Variants in SPOCK3 observed in about 807,000 individuals in gnomAD.
The protein encoded by SPOCK3 is testican-3.
SPOCK3 carries 30 observed loss-of-function variants against 56.6 expected under a neutral mutation model. The ratio of observed to expected loss-of-function variants is 0.53; its 90% CI spans 0.40 to 0.72. The LOEUF (loss-of-function observed/expected upper bound fraction) is 0.72, where lower values mean the gene tolerates loss of function less well. SPOCK3 is among the 30% of genes least tolerant of loss of function. SPOCK3 has a pLI of 0.00. For missense variants in SPOCK3, 527 were observed against 530.0 expected (o/e 0.99, Z 0.06); for synonymous variants, 196 against 183.3 (o/e 1.07, Z -0.56).
chr4:166,786,735 C>T (rs1252119358), intron 7 of SPOCK3, among the ~76,000 whole-genome samples: 1 of 152,164 alleles, frequency 6.6e-6, no homozygotes, highest in Non-Finnish European at 1.5e-5. Flanking sequence ...TAAGGTTCAA[C>T]TTAATATTTG....
At chr4:167,055,151 C>A (rs1468131424) in intron 3 of SPOCK3, among the ~76,000 whole-genome samples, 2 of 151,434 alleles carry the variant, frequency 1.3e-5, no homozygotes, top group Non-Finnish European at 2.9e-5. Flanking sequence ...ACATGCAAAC[C>A]TCTTATAAAT....
At position 166,884,185 on chromosome 4, in the gene SPOCK3, C is replaced by T. The variant is rs376790127; in HGVS notation, c.589+4945G>A. ...TGGCTAACACAGTGAAACCCCGTCT[C>T]TACTAAAAATACAAAAAATTAACCG... On this transcript the variant is annotated intron_variant, in intron 6 of 10. Transcript: ENST00000357545. Among the ~76,000 whole-genome samples the T allele has an allele frequency of 1.1e-3, 164 of 152,068 alleles. 1 individual carries two copies. Among genetic ancestry groups the T allele is most frequent in the African/African-American group, 3.7e-3 (154 of 41,482 alleles).
chr4:166,795,406 G>T (rs550269493), intron 6 of SPOCK3, among the ~76,000 whole-genome samples: 1 of 152,238 alleles, frequency 6.6e-6, no homozygotes, highest in Non-Finnish European at 1.5e-5. Flanking sequence ...GAACATTTCA[G>T]TAACTTCCAT....
At chr4:166,950,853 T>C (rs1742506013) in intron 4 of SPOCK3, among the ~76,000 whole-genome samples, 1 of 147,906 alleles carries the variant, frequency 6.8e-6, no homozygotes, top group African/African-American at 2.6e-5. Context: ...CATAATGAAA[T>C]GAAGGCAGAA....
At chr4:167,168,343 TC>T (rs1730191053) in intron 2 of SPOCK3, among the ~76,000 whole-genome samples, 1 of 152,114 alleles carries the variant, frequency 6.6e-6, no homozygotes, top group Non-Finnish European at 1.5e-5. Flanking sequence ...GTTTGGAACT[TC>T]CTAGAGACTT....
intron 2 of SPOCK3, among the ~76,000 whole-genome samples, chr4:167,129,933 T>C (rs1417859874): frequency 2.0e-5 from 3 of 152,222 alleles, no homozygotes; most frequent in Non-Finnish European, 4.4e-5. Flanking sequence ...TATCTTGTCA[T>C]GAGAGGGTGT....
At chr4:166,997,799 T>C (rs568996295) in intron 4 of SPOCK3, among the ~76,000 whole-genome samples, 5 of 152,294 alleles carry the variant, frequency 3.3e-5, no homozygotes, top group Admixed American at 1.3e-4. Context: ...TTTGAAAAAC[T>C]GTATTCCCCT....
intron 6 of SPOCK3, among the ~76,000 whole-genome samples, chr4:166,862,623 C>T (rs1260478930): frequency 6.6e-6 from 1 of 151,896 alleles, no homozygotes; most frequent in Non-Finnish European, 1.5e-5. Flanking sequence ...CCTGAGTAGC[C>T]ATTAAAAAGT....
chr4:166,781,822 G>A (rs1459588836), intron 7 of SPOCK3, among the ~76,000 whole-genome samples: 1 of 152,070 alleles, frequency 6.6e-6, no homozygotes, highest in East Asian at 1.9e-4. Flanking sequence ...TAGCAGATTT[G>A]TCAGCTGAAA....
intron 4 of SPOCK3, among the ~76,000 whole-genome samples, chr4:166,947,375 T>C (rs902553528): frequency 6.6e-6 from 1 of 152,192 alleles, no homozygotes; most frequent in African/African-American, 2.4e-5. Flanking sequence ...AAAAATTCCA[T>C]AGCACAAATA....
At chr4:166,887,013 C>T (rs544271706) in intron 6 of SPOCK3, among the ~76,000 whole-genome samples, 4 of 152,234 alleles carry the variant, frequency 2.6e-5, no homozygotes, top group South Asian at 2.1e-4. Flanking sequence ...TCTCTTTCTA[C>T]GCACAATTGA....
chr4:166,813,303 C>T (rs1030762661), intron 6 of SPOCK3, among the ~76,000 whole-genome samples: 43 of 151,932 alleles, frequency 2.8e-4, no homozygotes, highest in African/African-American at 9.7e-4. Flanking sequence ...CGTATTCTCA[C>T]ATAACACATC....
At chr4:166,853,625 G>A (rs1285961039) in intron 6 of SPOCK3, among the ~76,000 whole-genome samples, 1 of 152,180 alleles carries the variant, frequency 6.6e-6, no homozygotes, top group Non-Finnish European at 1.5e-5. Context: ...ACTCACTCCT[G>A]TAATCCCAGC....
chr4:167,158,224 A>G (rs1045418276), intron 2 of SPOCK3, among the ~76,000 whole-genome samples: 1 of 152,002 alleles, frequency 6.6e-6, no homozygotes, highest in African/African-American at 2.4e-5. Context: ...TTTTTAAAAA[A>G]TATAGAAATA....
At chr4:166,767,290 A>G (rs1229420320) in intron 7 of SPOCK3, among the ~76,000 whole-genome samples, 2 of 151,990 alleles carry the variant, frequency 1.3e-5, no homozygotes, top group East Asian at 1.9e-4. Flanking sequence ...TAGGGTGTCA[A>G]TTTTAGCTCT....
intron 2 of SPOCK3, among the ~76,000 whole-genome samples, chr4:167,152,113 T>C (rs1344599695): frequency 6.6e-6 from 1 of 152,234 alleles, no homozygotes; most frequent in Non-Finnish European, 1.5e-5. Flanking sequence ...AGATAAGGTA[T>C]TTTGAGATAC....
chr4:167,019,467 TAGAG>T (rs1484322271), intron 3 of SPOCK3, among the ~76,000 whole-genome samples: 3 of 151,670 alleles, frequency 2.0e-5, no homozygotes, highest in Non-Finnish European at 4.4e-5. Context: ...ATATAATTTA[TAGAG>T]AATGTTAAAT....
chr4:166,806,674 A>T (rs1463874644), intron 6 of SPOCK3, among the ~76,000 whole-genome samples: 2 of 152,050 alleles, frequency 1.3e-5, no homozygotes, highest in African/African-American at 2.4e-5. Flanking sequence ...TTGGAAAAAC[A>T]CAATTGTTTC....
chr4:167,105,091 C>T (rs1200212499), intron 2 of SPOCK3, among the ~76,000 whole-genome samples: 2 of 151,844 alleles, frequency 1.3e-5, no homozygotes, highest in African/African-American at 2.4e-5. Flanking sequence ...CCAGATCTAT[C>T]CTACAAGAAA....
Sources: allele counts gnomAD v4.1 joint callset (sites outside exome capture counted in the v4.1 genomes callset), GRCh38; gene constraint gnomAD v4.1.1; transcripts MANE v1.5; gene names NCBI Gene and HGNC (gene_info 2026-07-23, HGNC 2026-07-21).